Variants in UNC5D observed in about 807,000 individuals in gnomAD.
UNC5D encodes the protein netrin receptor UNC5D.
UNC5D carries 39 observed loss-of-function variants against 105.4 expected under a neutral mutation model. The ratio of observed to expected loss-of-function variants is 0.37; its 90% CI spans 0.29 to 0.48. UNC5D has a LOEUF of 0.48. Ranked by LOEUF, UNC5D falls within the 20% of genes least tolerant of loss-of-function variation. The pLI, the probability that UNC5D is intolerant of heterozygous loss-of-function variation, is 0.98. For synonymous variants in UNC5D, 452 were observed against 450.4 expected (o/e 1.00, Z -0.04); for missense variants, 991 against 1,202.4 (o/e 0.82, Z 2.60).
At chr8:35,351,809 A>T (rs1812258930) in intron 1 of UNC5D, among the ~76,000 whole-genome samples, 1 of 152,136 alleles carries the variant, frequency 6.6e-6, no homozygotes, top group Non-Finnish European at 1.5e-5. Flanking sequence ...GCAAGGTAAA[A>T]TATGAAGGTA....
intron 4 of UNC5D, among the ~76,000 whole-genome samples, chr8:35,600,301 C>T (rs1167100691): frequency 6.6e-6 from 1 of 152,132 alleles, no homozygotes; most frequent in Non-Finnish European, 1.5e-5. Context: ...GATTTATAAT[C>T]CTTTGGGTAT....
intron 1 of UNC5D, among the ~76,000 whole-genome samples, chr8:35,398,050 C>A (rs1804213245): frequency 1.3e-5 from 2 of 152,190 alleles, no homozygotes; most frequent in Non-Finnish European, 2.9e-5. Flanking sequence ...TTTGAACAAA[C>A]TAATTCATAC....
intron 1 of UNC5D, among the ~76,000 whole-genome samples, chr8:35,450,198 T>C (rs1808053473): frequency 6.6e-6 from 1 of 152,180 alleles, no homozygotes; most frequent in Non-Finnish European, 1.5e-5. Flanking sequence ...AAGTGCTGAA[T>C]AAATCTGGGT....
intron 1 of UNC5D, among the ~76,000 whole-genome samples, chr8:35,237,599 G>T (rs904056347): frequency 7.2e-5 from 11 of 152,100 alleles, no homozygotes; most frequent in African/African-American, 2.7e-4. Context: ...CGAAACTAAG[G>T]CTAGCACCTC....
In UNC5D at chr8:35,790,935, C is replaced by G. The variant is rs980457544; in HGVS notation, c.*372C>G. The G allele has an allele frequency of 1.3e-5, 3 of 225,292 alleles. No homozygotes were observed. The highest frequency in any genetic ancestry group is 2.7e-5 in the Non-Finnish European group (3 of 112,196). 14.0% of individuals were successfully genotyped at this position (225,292 alleles called of 1,614,324 possible). A position where few individuals can be genotyped will look rare whatever the true frequency, so the allele number is the denominator to read the frequency against. ...TGAAATAGGTTTTTAATGATGTGCC[C>G]CAAAGGGCCAGCTGATTCTGGTACT... On this transcript the variant is annotated 3_prime_UTR_variant, in exon 17 of 17. Coordinates refer to ENST00000404895, the MANE Select transcript of UNC5D (RefSeq NM_080872.4).
intron 1 of UNC5D, among the ~76,000 whole-genome samples, chr8:35,249,602 AAAAT>A (rs1459656670): frequency 7.2e-6 from 1 of 139,164 alleles, no homozygotes; most frequent in African/African-American, 2.6e-5. Context: ...TAATAATAAT[AAAAT>A]AAATAAATAA....
intron 1 of UNC5D, among the ~76,000 whole-genome samples, chr8:35,423,858 T>TG (rs1009141758): frequency 1.3e-5 from 2 of 151,788 alleles, no homozygotes; most frequent in African/African-American, 4.8e-5. Context: ...AGTACTTTTT[T>TG]TTTTTTTTTT....
At chr8:35,484,593 GA>G (rs1810711486) in intron 1 of UNC5D, among the ~76,000 whole-genome samples, 1 of 152,094 alleles carries the variant, frequency 6.6e-6, no homozygotes, top group Non-Finnish European at 1.5e-5. Context: ...GACATGTTAT[GA>G]AAATTGCAGA....
chr8:35,527,221 G>A (rs1012223390), intron 1 of UNC5D, among the ~76,000 whole-genome samples: 2 of 151,604 alleles, frequency 1.3e-5, no homozygotes, highest in Non-Finnish European at 2.9e-5. Flanking sequence ...GGCCAGTGCT[G>A]TATACAGCAG....
chr8:35,432,495 A>G (rs1471827190), intron 1 of UNC5D, among the ~76,000 whole-genome samples: 4 of 152,130 alleles, frequency 2.6e-5, no homozygotes, highest in African/African-American at 9.7e-5. Context: ...CACTCTTATC[A>G]ATAAACTTTA....
chr8:35,426,397 T>C (rs1209397218), intron 1 of UNC5D, among the ~76,000 whole-genome samples: 1 of 152,186 alleles, frequency 6.6e-6, no homozygotes. Flanking sequence ...AAAAAACTTC[T>C]GTAAAAGTTT....
chr8:35,486,906 A>G (rs2130049418), intron 1 of UNC5D, among the ~76,000 whole-genome samples: 1 of 152,282 alleles, frequency 6.6e-6, no homozygotes, highest in South Asian at 2.1e-4. Flanking sequence ...TGGCTTTCCC[A>G]GGGTCATACA....
rs143452954 is a variant in UNC5D, at chr8:35,400,238, C to T, written c.104-149054C>T. ...TTAGTTGAGATCCTTTTTTTTTTAA[C>T]GGAAAAAATGCTGATATATTGGGAA... On this transcript the variant is annotated intron_variant, in intron 1 of 16. Coordinates refer to ENST00000404895, the MANE Select transcript of UNC5D (RefSeq NM_080872.4). Among the ~76,000 whole-genome samples the T allele has an allele frequency of 4.3e-4, 65 of 150,808 alleles. 2 individuals are homozygous for T. The East Asian group carries it at 9.9e-3, about 23-fold the overall frequency.
intron 1 of UNC5D, among the ~76,000 whole-genome samples, chr8:35,285,752 A>G (rs1412078576): frequency 6.6e-6 from 1 of 152,090 alleles, no homozygotes; most frequent in Non-Finnish European, 1.5e-5. Flanking sequence ...AGTCAGCCTT[A>G]CCCCAAGAGA....
At chr8:35,669,596 C>T (rs535912925) in intron 4 of UNC5D, among the ~76,000 whole-genome samples, 2 of 152,216 alleles carry the variant, frequency 1.3e-5, no homozygotes, top group South Asian at 4.1e-4. Context: ...TTTCTCCCTG[C>T]CATTGTTACA....
At chr8:35,343,983 A>T (rs1354818228) in intron 1 of UNC5D, among the ~76,000 whole-genome samples, 1 of 152,114 alleles carries the variant, frequency 6.6e-6, no homozygotes, top group Non-Finnish European at 1.5e-5. Context: ...TCCTGTACTG[A>T]TCAATGCTAG....
chr8:35,676,791 C>T (rs1168599789), intron 4 of UNC5D, among the ~76,000 whole-genome samples: 1 of 151,950 alleles, frequency 6.6e-6, no homozygotes, highest in African/African-American at 2.4e-5. Context: ...AAATTAAATC[C>T]AGTGTAGGGC....
chr8:35,782,051 C>T (rs1802525993), intron 16 of UNC5D, among the ~76,000 whole-genome samples: 1 of 152,182 alleles, frequency 6.6e-6, no homozygotes, highest in African/African-American at 2.4e-5. Flanking sequence ...TGCCAGCTTC[C>T]TCTCACTGGA....
At chr8:35,776,387 C>T (rs1034661068) in intron 16 of UNC5D, among the ~76,000 whole-genome samples, 1 of 152,214 alleles carries the variant, frequency 6.6e-6, no homozygotes, top group African/African-American at 2.4e-5. Context: ...CATGTTCCTA[C>T]CTTATTACAT....
Sources: gnomAD v4.1 joint callset for allele counts (sites outside exome capture counted in the v4.1 genomes callset) on GRCh38, gnomAD v4.1.1 for gene constraint, MANE v1.5 for transcripts, NCBI Gene and HGNC (gene_info 2026-07-23, HGNC 2026-07-21) for gene names.